The following VPS35L variants were observed in gnomAD, a reference collection of about 807,000 sequenced individuals.
VPS35L encodes the protein VPS35 endosomal protein-sorting factor-like.
Under a neutral mutation model 133.0 loss-of-function variants are expected in VPS35L, and 83 were observed. The ratio of observed to expected loss-of-function variants is 0.62; its 90% CI spans 0.52 to 0.75. The LOEUF is 0.75. Ranked by LOEUF, VPS35L falls within the 30% of genes least tolerant of loss-of-function variation. VPS35L has a pLI of 0.00. For synonymous variants in VPS35L, 423 were observed against 449.9 expected (o/e 0.94, Z 0.76); for missense variants, 1,083 against 1,206.8 (o/e 0.90, Z 1.52).
intron 12 of VPS35L, among the ~76,000 whole-genome samples, chr16:19,615,755 T>G (rs1370907208): frequency 6.6e-6 from 1 of 151,494 alleles, no homozygotes; most frequent in Non-Finnish European, 1.5e-5. Flanking sequence ...GATCATGAGG[T>G]CAGAAGATCA....
Position 19,699,499 on chromosome 16 carries a change from C to T in VPS35L, c.2647-3C>T. 1.2e-6 allele frequency: 2 copies of T among 1,614,006 alleles called. No homozygotes were observed. The highest frequency in any genetic ancestry group is 1.7e-6 in the Non-Finnish European group (2 of 1,179,920). Reference sequence around the variant, plus strand: ...AGGCAGTAACCTCCCTTTTCTGTTTCAGGCCCTGAAGCGCCAGAGCTCGTT... The same window carrying T: ...AGGCAGTAACCTCCCTTTTCTGTTTTAGGCCCTGAAGCGCCAGAGCTCGTT... On this transcript the variant is annotated splice_region_variant and splice_polypyrimidine_tract_variant and intron_variant, in intron 29 of 30. Transcript: ENST00000417362. The surrounding 1 kb of genome is among the most constrained non-coding windows in gnomAD (Gnocchi z 4.2).
At position 19,640,022 on chromosome 16, in the gene VPS35L, T is replaced by C. The variant is rs773427114; in HGVS notation, c.1706T>C (p.Phe569Ser). 6.2e-7 allele frequency: 1 copy of C among 1,614,094 alleles called. No homozygotes were observed. The highest frequency in any genetic ancestry group is 1.1e-5 in the South Asian group (1 of 91,072). ...DFSVLFSVEK[F>S]LPFLDMFQKE... ...TGCTTGCTTTATTTATAGGAAAAAT[T>C]TCTGCCGTTTCTGGACATGTTCCAA... is the stretch of plus-strand genomic sequence containing the variant. The change falls in exon 21 of 31, where the codon TTT becomes TCT. Residue 569 changes from phenylalanine (F) to serine (S), a missense_variant. By Grantham distance (155) the Phe-to-Ser change is radical. Transcript: ENST00000417362.
At chr16:19,656,774 G>T (rs572860533) in intron 26 of VPS35L, among the ~76,000 whole-genome samples, 1 of 152,062 alleles carries the variant, frequency 6.6e-6, no homozygotes, top group Non-Finnish European at 1.5e-5. Flanking sequence ...TATACAGTAC[G>T]TTGAGAGCTG....
Position 19,616,710 on chromosome 16 carries a change from C to T in VPS35L, c.1126C>T (p.Gln376Ter), listed in dbSNP as rs759305326. 14 of 1,613,952 alleles carry T rather than the reference C, an allele frequency of 8.7e-6. No homozygotes were observed. The highest frequency in any genetic ancestry group is 1.7e-6 in the Non-Finnish European group (2 of 1,180,002). ...GATTCATGGGGATACGGTCCAGAAC[C>T]AGCTGGTGGTCCAAGGAGTGGAGCT... ...KQIHGDTVQN[Q>*]LVVQGVELPS... is the part of the protein sequence containing the mutation. The change falls in exon 14 of 31, where the codon CAG (glutamine) becomes TAG (stop). Residue 376 changes from glutamine (Q) to a stop codon, truncating the protein, a stop_gained. Transcript: ENST00000417362. LOFTEE classifies it high-confidence loss of function.
At chr16:19,565,416 C>T (rs1971157751) in intron 2 of VPS35L, among the ~76,000 whole-genome samples, 1 of 151,772 alleles carries the variant, frequency 6.6e-6, no homozygotes, top group Non-Finnish European at 1.5e-5. Flanking sequence ...GATCTTAGCT[C>T]ACGGCAACCT....
At chr16:19,562,000 G>T (rs150327803) in intron 1 of VPS35L, among the ~76,000 whole-genome samples, 1 of 152,252 alleles carries the variant, frequency 6.6e-6, no homozygotes, top group East Asian at 1.9e-4. Flanking sequence ...AGCTACTTAA[G>T]AGGCTGAGGC....
chr16:19,632,182 C>T (rs11640411), intron 18 of VPS35L, among the ~76,000 whole-genome samples: 31,125 of 151,238 alleles, frequency 0.21, 3,938 homozygotes, highest in Non-Finnish European at 0.28. Context: ...AGGCTGGTCT[C>T]GAACTCCTGA....
chr16:19,674,707 A>G (rs1307378999), intron 27 of VPS35L, among the ~76,000 whole-genome samples: 2 of 152,088 alleles, frequency 1.3e-5, no homozygotes, highest in Non-Finnish European at 2.9e-5. Context: ...ATTGGTTAGT[A>G]ATTCTTCATT....
At chr16:19,622,491 C>G (rs534880921) in intron 14 of VPS35L, among the ~76,000 whole-genome samples, 1 of 152,146 alleles carries the variant, frequency 6.6e-6, no homozygotes, top group African/African-American at 2.4e-5. Context: ...CACAGTCTCA[C>G]AGTTGGCCCT....
At chr16:19,655,943 T>G (rs570170804) in intron 26 of VPS35L, among the ~76,000 whole-genome samples, 2 of 152,102 alleles carry the variant, frequency 1.3e-5, no homozygotes, top group African/African-American at 4.8e-5. Flanking sequence ...TTTCTTTATC[T>G]TTACAGTTTA....
intron 18 of VPS35L, among the ~76,000 whole-genome samples, chr16:19,632,700 T>C (rs1404899701): frequency 6.6e-6 from 1 of 152,234 alleles, no homozygotes; most frequent in Non-Finnish European, 1.5e-5. Flanking sequence ...AAGTGAACAG[T>C]GAGCAGTTAG....
intron 7 of VPS35L, among the ~76,000 whole-genome samples, chr16:19,589,068 C>CT (rs1971961065): frequency 6.6e-6 from 1 of 151,994 alleles, no homozygotes; most frequent in African/African-American, 2.4e-5. Flanking sequence ...TTGGGGTTTC[C>CT]TTTTCTGTAA....
In VPS35L at chr16:19,640,057, G is replaced by T. The variant is rs1232374933; in HGVS notation, c.1741G>T (p.Val581Leu). 6.2e-7 allele frequency: 1 copy of T among 1,614,124 alleles called. No homozygotes were observed. The highest frequency in any genetic ancestry group is 1.7e-5 in the Admixed American group (1 of 60,010). ...TCTGGACATGTTCCAAAAAGAGAGTGTGCGGGTGGAGGTTTGCAAATGCAT... is the reference window on the plus strand; with the variant it reads ...TCTGGACATGTTCCAAAAAGAGAGTTTGCGGGTGGAGGTTTGCAAATGCAT... ...PFLDMFQKES[V>L]RVEVCKCIMD... The change falls in exon 21 of 31, where the codon GTG becomes TTG. Residue 581 changes from valine (V) to leucine (L), a missense_variant. Val to Leu is a conservative substitution (Grantham distance 32). Coordinates refer to ENST00000417362, the MANE Select transcript of VPS35L (RefSeq NM_020314.7).
intron 29 of VPS35L, among the ~76,000 whole-genome samples, chr16:19,695,720 G>A (rs879711090): frequency 3.3e-5 from 5 of 152,054 alleles, no homozygotes; most frequent in Admixed American, 2.0e-4. Context: ...AGGAGGCTGA[G>A]GTGGGAGGAT....
At chr16:19,629,958 A>G (rs974915731) in intron 18 of VPS35L, 138 bp downstream of exon 18, 2 of 720,054 alleles carry the variant, frequency 2.8e-6, no homozygotes, top group Admixed American at 2.4e-5. Flanking sequence ...ATTCTTCATA[A>G]TAAAGCGTGA....
chr16:19,689,961 A>T (rs1203502417), intron 28 of VPS35L, among the ~76,000 whole-genome samples: 1 of 152,130 alleles, frequency 6.6e-6, no homozygotes, highest in African/African-American at 2.4e-5. Context: ...TGCTCATACT[A>T]GAGTGCAGTC....
chr16:19,630,917 G>A (rs1470937302), intron 18 of VPS35L, among the ~76,000 whole-genome samples: 1 of 152,108 alleles, frequency 6.6e-6, no homozygotes, highest in African/African-American at 2.4e-5. Context: ...GTTGAGGGAG[G>A]AGAATCGCTT....
rs935563343 is a variant in VPS35L at position 19,630,820 on chromosome 16, C to T, written c.1554+1000C>T. On this transcript the variant is annotated intron_variant, in intron 18 of 30. Coordinates refer to ENST00000417362, the MANE Select transcript of VPS35L (RefSeq NM_020314.7). Reference sequence around the variant, plus strand: ...AAAAGAAGCCCACCAGCCTGGCCAACGTGGTAAAACCCCGTCTCTACTAAA... The same window carrying T: ...AAAAGAAGCCCACCAGCCTGGCCAATGTGGTAAAACCCCGTCTCTACTAAA... Among the ~76,000 whole-genome samples, 13 of 151,612 alleles carry T rather than the reference C, an allele frequency of 8.6e-5. No individual in the cohort carries two copies. In the South Asian group the frequency reaches 1.3e-3, roughly 15 times the overall value.
intron 1 of VPS35L, among the ~76,000 whole-genome samples, chr16:19,559,933 C>A (rs1017944956): frequency 6.6e-6 from 1 of 152,154 alleles, no homozygotes; most frequent in African/African-American, 2.4e-5. Flanking sequence ...GGTGACCCAC[C>A]CACCTCGGCT....
Sources: gnomAD v4.1 joint callset for allele counts (sites outside exome capture counted in the v4.1 genomes callset) on GRCh38, gnomAD v4.1.1 for gene constraint, Gnocchi (gnomAD v3.1) non-coding constraint, MANE v1.5 for transcripts, NCBI Gene and HGNC (gene_info 2026-07-23, HGNC 2026-07-21) for gene names.